CSMD1: variants seen among roughly 807,000 people sequenced by gnomAD.
CSMD1 encodes the protein CUB and sushi domain-containing protein 1.
Under a neutral mutation model 417.5 loss-of-function variants are expected in CSMD1, and 213 were observed. The ratio of observed to expected loss-of-function variants is 0.51; its 90% CI spans 0.46 to 0.57. CSMD1 has a LOEUF of 0.57. CSMD1 is among the 20% of genes least tolerant of loss of function. CSMD1 has a pLI of 0.00. For missense variants in CSMD1, 6,923 were observed against 4,529.7 expected (o/e 1.53, Z -15.17); for synonymous variants, 2,862 against 1,736.8 (o/e 1.65, Z -16.11).
chr8:3,457,202 G>C (rs1563057196), intron 12 of CSMD1, among the ~76,000 whole-genome samples: 2 of 150,542 alleles, frequency 1.3e-5, no homozygotes, highest in African/African-American at 2.4e-5. Context: ...TCCTAACCTG[G>C]ACCCCCTCAT....
At chr8:3,295,135 T>C (rs1044939976) in intron 25 of CSMD1, among the ~76,000 whole-genome samples, 2 of 152,034 alleles carry the variant, frequency 1.3e-5, no homozygotes, top group Non-Finnish European at 2.9e-5. Context: ...ATTTATTTTA[T>C]TTTATTTGAG....
At chr8:3,595,725 CAAGTT>C (rs1801059143) in intron 8 of CSMD1, among the ~76,000 whole-genome samples, 1 of 152,124 alleles carries the variant, frequency 6.6e-6, no homozygotes, top group African/African-American at 2.4e-5. Context: ...TTAAATGTTC[CAAGTT>C]ATGTTATAAG....
At chr8:3,332,687 G>A (rs1806983450) in intron 23 of CSMD1, among the ~76,000 whole-genome samples, 1 of 150,868 alleles carries the variant, frequency 6.6e-6, no homozygotes, top group Non-Finnish European at 1.5e-5. Flanking sequence ...ATGTGTGCGT[G>A]CGCACACACA....
At chr8:4,334,062 TATG>T (rs560964262) in intron 3 of CSMD1, among the ~76,000 whole-genome samples, 10 of 151,530 alleles carry the variant, frequency 6.6e-5, no homozygotes, top group Admixed American at 2.6e-4. Flanking sequence ...TTTCATTAAT[TATG>T]ATGATGATGA....
chr8:3,518,266 A>C (rs1213998820), intron 10 of CSMD1, among the ~76,000 whole-genome samples: 1 of 152,174 alleles, frequency 6.6e-6, no homozygotes, highest in African/African-American at 2.4e-5. Flanking sequence ...TTCAAATAAG[A>C]GAAAATTATA....
chr8:4,287,455 T>A (rs1193359630), intron 3 of CSMD1, among the ~76,000 whole-genome samples: 1 of 152,146 alleles, frequency 6.6e-6, no homozygotes, highest in African/African-American at 2.4e-5. Context: ...TATTGAGTAA[T>A]ATTAGAAATG....
intron 26 of CSMD1, among the ~76,000 whole-genome samples, chr8:3,234,349 C>A (rs1021011974): frequency 1.3e-5 from 2 of 152,140 alleles, no homozygotes; most frequent in Admixed American, 6.5e-5. Context: ...ATACTGCAAA[C>A]GGAAGCCACT....
At chr8:4,366,298 T>G (rs113808994) in intron 3 of CSMD1, among the ~76,000 whole-genome samples, 17 of 152,200 alleles carry the variant, frequency 1.1e-4, no homozygotes, top group African/African-American at 4.1e-4. Context: ...TCACTTTGCA[T>G]ATGTACCACA....
chr8:3,948,558 G>T (rs145384058), intron 5 of CSMD1, among the ~76,000 whole-genome samples: 3,061 of 152,174 alleles, frequency 0.02, 63 homozygotes, highest in Admixed American at 0.032. Flanking sequence ...GCTGGACAAA[G>T]ATCTTGACTG....
intron 3 of CSMD1, among the ~76,000 whole-genome samples, chr8:4,114,599 T>G (rs752168922): frequency 6.6e-6 from 1 of 152,198 alleles, no homozygotes; most frequent in Non-Finnish European, 1.5e-5. Context: ...TAGGGATTCT[T>G]CGATGGACTT....
chr8:3,999,501 C>T (rs1439634944), intron 4 of CSMD1, among the ~76,000 whole-genome samples: 4 of 152,138 alleles, frequency 2.6e-5, no homozygotes, highest in Non-Finnish European at 5.9e-5. Context: ...CAAAATAGAA[C>T]CAATCTTGTC....
intron 2 of CSMD1, among the ~76,000 whole-genome samples, chr8:4,478,539 C>T (rs1320322317): frequency 6.6e-6 from 1 of 152,128 alleles, no homozygotes. Context: ...TAATACACTG[C>T]CTTCCATTTA....
chr8:3,377,069 T>A (rs1810352496), intron 18 of CSMD1, among the ~76,000 whole-genome samples: 1 of 152,204 alleles, frequency 6.6e-6, no homozygotes, highest in African/African-American at 2.4e-5. Context: ...AGTGTAGTGG[T>A]GTGATCTTGG....
At chr8:3,940,221 AAC>A (rs142772286) in intron 5 of CSMD1, among the ~76,000 whole-genome samples, 3,836 of 152,198 alleles carry the variant, frequency 0.025, 151 homozygotes, top group African/African-American at 0.087. Context: ...ACCACCAAAA[AAC>A]AGAGAAGTTA....
chr8:3,658,127 A>G (rs987909745), intron 7 of CSMD1, among the ~76,000 whole-genome samples: 2 of 152,140 alleles, frequency 1.3e-5, no homozygotes, highest in African/African-American at 4.8e-5. Flanking sequence ...TAAAAAACCA[A>G]CTCAAAAACT....
chr8:4,358,084 G>A (rs994556470), intron 3 of CSMD1, among the ~76,000 whole-genome samples: 55 of 152,182 alleles, frequency 3.6e-4, no homozygotes, highest in Non-Finnish European at 6.8e-4. Context: ...ATGTATATAT[G>A]TATACATACA....
chr8:4,085,019 T>C lies in CSMD1; in HGVS notation c.416-52920A>G, dbSNP rs144232634. Among the ~76,000 whole-genome samples the C allele has an allele frequency of 3.9e-3, 595 of 152,316 alleles. 4 individuals carry two copies. Among genetic ancestry groups the C allele is most frequent in the Middle Eastern group, 0.017 (5 of 294 alleles). On this transcript the variant is annotated intron_variant, in intron 3 of 69. Coordinates refer to ENST00000635120, the MANE Select transcript of CSMD1 (RefSeq NM_033225.6). The stretch of plus-strand genomic sequence containing the variant: ...GACAGGGAATTTAGATTTTTCCTTA[T>C]GCAAACTATCCACAAATTCTAAAGT...
chr8:3,293,317 T>C (rs1803717042), intron 25 of CSMD1, among the ~76,000 whole-genome samples: 1 of 152,132 alleles, frequency 6.6e-6, no homozygotes, highest in African/African-American at 2.4e-5. Context: ...GAGTTGCTCT[T>C]CTCGAGGAGT....
chr8:3,059,153 G>A lies in CSMD1; in HGVS notation c.7475-6506C>T, dbSNP rs78637796. 8.5e-3 allele frequency among the ~76,000 whole-genome samples: 1,288 copies of A among 151,056 alleles called. 12 individuals are homozygous for A. Among genetic ancestry groups the A allele is most frequent in the African/African-American group, 0.03 (1,236 of 41,046 alleles). ...GAAGGTCTCCCCATCCCATCAAAGC[G>A]TATTTTAGCACGACTATTAATAATA... On this transcript the variant is annotated intron_variant, in intron 49 of 69. Coordinates refer to ENST00000635120, the MANE Select transcript of CSMD1 (RefSeq NM_033225.6).
Sources: gnomAD v4.1 joint callset for allele counts (sites outside exome capture counted in the v4.1 genomes callset) on GRCh38, gnomAD v4.1.1 for gene constraint, MANE v1.5 for transcripts, NCBI Gene and HGNC (gene_info 2026-07-23, HGNC 2026-07-21) for gene names.